The following MECOM variants were observed in gnomAD, a reference collection of about 807,000 sequenced individuals.
The protein encoded by MECOM is histone-lysine N-methyltransferase MECOM.
Under a neutral mutation model 116.3 loss-of-function variants are expected in MECOM, and 13 were observed. The observed-to-expected ratio is 0.11, with a 90% confidence interval of 0.07 to 0.18. The LOEUF is 0.18. Among genes scored for constraint, MECOM ranks in the 10% least tolerant of loss-of-function variants. The pLI, the probability that MECOM is intolerant of heterozygous loss-of-function variation, is 1.00. For missense variants in MECOM, 1,299 were observed against 1,509.0 expected (o/e 0.86, Z 2.31); for synonymous variants, 528 against 535.2 (o/e 0.99, Z 0.19).
chr3:169,184,075 A>G (rs944009386), intron 2 of MECOM, among the ~76,000 whole-genome samples: 3 of 152,012 alleles, frequency 2.0e-5, no homozygotes, highest in Non-Finnish European at 4.4e-5. Flanking sequence ...CACATTAGCC[A>G]GGATGGTCTC....
chr3:169,102,348 A>T (rs1723873114), intron 10 of MECOM, 122 bp from the exon 11 acceptor site: 1 of 752,848 alleles, frequency 1.3e-6, no homozygotes, highest in Non-Finnish European at 2.0e-6. Flanking sequence ...GTAGAAAGAG[A>T]CTGTAGTATC....
At chr3:169,637,432 T>G (rs986395537) in intron 1 of MECOM, among the ~76,000 whole-genome samples, 1 of 152,236 alleles carries the variant, frequency 6.6e-6, no homozygotes, top group African/African-American at 2.4e-5. Flanking sequence ...AGACTGTGGA[T>G]AGCAGAATCT....
chr3:169,402,078 G>T (rs766219299), intron 1 of MECOM, among the ~76,000 whole-genome samples: 1 of 152,190 alleles, frequency 6.6e-6, no homozygotes, highest in Non-Finnish European at 1.5e-5. Flanking sequence ...TAAAAAAGGG[G>T]CTGTGATGCT....
intron 1 of MECOM, among the ~76,000 whole-genome samples, chr3:169,528,253 G>A (rs1471139354): frequency 1.3e-5 from 2 of 152,130 alleles, no homozygotes; most frequent in African/African-American, 2.4e-5. Flanking sequence ...ATATACAAGA[G>A]AGGACATCGG....
intron 2 of MECOM, among the ~76,000 whole-genome samples, chr3:169,330,495 A>C (rs1722546032): frequency 6.6e-6 from 1 of 152,226 alleles, no homozygotes; most frequent in African/African-American, 2.4e-5. Flanking sequence ...ACAGAAAAAA[A>C]ATTATTAAAT....
intron 1 of MECOM, among the ~76,000 whole-genome samples, chr3:169,491,015 T>C (rs1252519754): frequency 1.3e-5 from 2 of 151,850 alleles, no homozygotes; most frequent in African/African-American, 4.8e-5. Context: ...CATACCACTA[T>C]CCCCAGTTAA....
At chr3:169,280,090 T>TA (rs1305987892) in intron 2 of MECOM, among the ~76,000 whole-genome samples, 2 of 152,210 alleles carry the variant, frequency 1.3e-5, no homozygotes, top group Non-Finnish European at 2.9e-5. Flanking sequence ...CCCAGACTGT[T>TA]ACTCTTCTGA....
At chr3:169,174,901 C>A (rs1246116920) in intron 2 of MECOM, among the ~76,000 whole-genome samples, 1 of 152,128 alleles carries the variant, frequency 6.6e-6, no homozygotes, top group Admixed American at 6.6e-5. Context: ...TCATGAAAAG[C>A]AGACATGAAG....
intron 1 of MECOM, among the ~76,000 whole-genome samples, chr3:169,514,677 G>A (rs1016327817): frequency 6.6e-6 from 1 of 152,162 alleles, no homozygotes; most frequent in Non-Finnish European, 1.5e-5. Flanking sequence ...TAGGACAGTT[G>A]CTGTCCTCAT....
intron 1 of MECOM, among the ~76,000 whole-genome samples, chr3:169,437,213 G>T (rs544239787): frequency 2.6e-5 from 4 of 152,274 alleles, no homozygotes; most frequent in African/African-American, 9.6e-5. Context: ...CTAATTGGGG[G>T]TGGACAATGC....
intron 1 of MECOM, among the ~76,000 whole-genome samples, chr3:169,446,292 G>A (rs1008803716): frequency 1.3e-5 from 2 of 152,034 alleles, no homozygotes; most frequent in Non-Finnish European, 2.9e-5. Context: ...ATTGAATCAT[G>A]GGGGCCAGTC....
At chr3:169,491,218 T>C (rs772361091) in intron 1 of MECOM, among the ~76,000 whole-genome samples, 2 of 152,082 alleles carry the variant, frequency 1.3e-5, no homozygotes, top group Non-Finnish European at 2.9e-5. Flanking sequence ...AAAAGGAGAA[T>C]AGATATTGCC....
chr3:169,548,940 C>G (rs185984261), intron 1 of MECOM, among the ~76,000 whole-genome samples: 38 of 151,670 alleles, frequency 2.5e-4, no homozygotes, highest in African/African-American at 8.2e-4. Context: ...CATAACTGGG[C>G]CATAAACACG....
intron 2 of MECOM, among the ~76,000 whole-genome samples, chr3:169,367,492 T>G (rs1729389272): frequency 6.6e-6 from 1 of 152,008 alleles, no homozygotes; most frequent in African/African-American, 2.4e-5. Context: ...TACTGGTCGA[T>G]TCCAAAATGA....
chr3:169,216,115 G>T (rs564400577), intron 2 of MECOM, among the ~76,000 whole-genome samples: 1 of 152,312 alleles, frequency 6.6e-6, no homozygotes, highest in East Asian at 1.9e-4. Flanking sequence ...CTGGACCTCT[G>T]AGTAGAGTCA....
chr3:169,144,963 A>T (rs372248444), intron 2 of MECOM: 1 of 1,536,648 alleles, frequency 6.5e-7, no homozygotes, highest in Non-Finnish European at 8.9e-7. Flanking sequence ...AATTCAGGCA[A>T]TCACCCAATT....
At chr3:169,112,673 C>T (rs559754638) in intron 9 of MECOM, 114 bp downstream of exon 9, 61 of 803,164 alleles carry the variant, frequency 7.6e-5, no homozygotes, top group African/African-American at 7.6e-4. Context: ...TTCTTCCACA[C>T]CAGCGTCATA....
At chr3:169,262,654 A>G (rs1757704711) in intron 2 of MECOM, among the ~76,000 whole-genome samples, 1 of 152,060 alleles carries the variant, frequency 6.6e-6, no homozygotes, top group African/African-American at 2.4e-5. Flanking sequence ...ATTGCAGTGG[A>G]GTGTCACAAG....
chr3:169,193,766 T>A (rs1367610502), intron 2 of MECOM, among the ~76,000 whole-genome samples: 7 of 152,030 alleles, frequency 4.6e-5, no homozygotes, highest in Admixed American at 4.6e-4. Context: ...ATTTTAGAAA[T>A]TAAAAGTCAT....
Sources: allele counts gnomAD v4.1 joint callset (sites outside exome capture counted in the v4.1 genomes callset), GRCh38; gene constraint gnomAD v4.1.1; transcripts MANE v1.5; gene names NCBI Gene and HGNC (gene_info 2026-07-23, HGNC 2026-07-21).